Variants in AOPEP observed in about 807,000 individuals in gnomAD.
AOPEP encodes aminopeptidase O (putative), also known as aminopeptidase O.
Under a neutral mutation model 98.1 loss-of-function variants are expected in AOPEP, and 77 were observed. The observed-to-expected ratio is 0.78, with a 90% CI of 0.65 to 0.95. The LOEUF (loss-of-function observed/expected upper bound fraction) is 0.95. AOPEP is among the 40% of genes least tolerant of loss of function. The probability of loss-of-function intolerance (pLI) is 0.00; values close to 1 mark genes in which losing one functional copy is unlikely to be tolerated. For synonymous variants in AOPEP, 346 were observed against 365.3 expected (o/e 0.95, Z 0.60); for missense variants, 1,024 against 1,024.7 (o/e 1.00, Z 0.01).
intron 13 of AOPEP, among the ~76,000 whole-genome samples, chr9:95,029,319 C>T (rs2064103270): frequency 6.6e-6 from 1 of 152,056 alleles, no homozygotes; most frequent in Non-Finnish European, 1.5e-5. Flanking sequence ...TACATTAAAT[C>T]ATTCTACCAG....
chr9:95,035,140 C>A (rs560522415), intron 13 of AOPEP, among the ~76,000 whole-genome samples: 25 of 151,672 alleles, frequency 1.6e-4, no homozygotes, highest in African/African-American at 5.1e-4. Flanking sequence ...CCATGACAGG[C>A]CCCCGTGTGT....
chr9:94,954,162 A>G (rs1053080718), intron 7 of AOPEP, among the ~76,000 whole-genome samples: 10 of 152,060 alleles, frequency 6.6e-5, no homozygotes, highest in Non-Finnish European at 1.3e-4. Flanking sequence ...ATCTCTACAG[A>G]AAAAAACAAA....
At chr9:94,738,663 C>T (rs1358808652) in intron 1 of AOPEP, among the ~76,000 whole-genome samples, 1 of 152,162 alleles carries the variant, frequency 6.6e-6, no homozygotes, top group African/African-American at 2.4e-5. Context: ...AAGTTCCGCT[C>T]CCCGGGTTCA....
At chr9:94,780,375 CAG>C in intron 3 of AOPEP, among the ~76,000 whole-genome samples, 1 of 152,050 alleles carries the variant, frequency 6.6e-6, no homozygotes, top group East Asian at 1.9e-4. Flanking sequence ...CCCCAAATTC[CAG>C]TTGAGGACAG....
At chr9:95,090,944 C>T (rs2070858421), downstream of AOPEP, among the ~76,000 whole-genome samples, 1 of 152,236 alleles carries the variant, frequency 6.6e-6, no homozygotes, top group African/African-American at 2.4e-5. Context: ...ACACCCAAGA[C>T]AGCCCTGACG....
the AOPEP span, chr9:95,125,299 C>T: frequency 1.3e-6 from 1 of 799,510 alleles, no homozygotes; most frequent in African/African-American, 1.7e-5. Context: ...TAAGCTTCAG[C>T]AGTATCTCAA....
chr9:94,775,809 C>T (rs1323626592), intron 3 of AOPEP, among the ~76,000 whole-genome samples: 1 of 152,000 alleles, frequency 6.6e-6, no homozygotes, highest in Non-Finnish European at 1.5e-5. Flanking sequence ...CCCATCTCTA[C>T]TAAAAATATA....
intron 5 of AOPEP, among the ~76,000 whole-genome samples, chr9:94,918,986 G>A (rs2053215088): frequency 6.6e-6 from 1 of 151,824 alleles, no homozygotes; most frequent in African/African-American, 2.4e-5. Flanking sequence ...TGCAATCTCG[G>A]CTCACTGTAA....
intron 6 of AOPEP, among the ~76,000 whole-genome samples, chr9:94,926,611 G>A (rs2054369500): frequency 6.6e-6 from 1 of 152,224 alleles, no homozygotes; most frequent in Non-Finnish European, 1.5e-5. Flanking sequence ...GCCTGCCTCA[G>A]ACCGTCCAGG....
chr9:95,097,753 T>G, the AOPEP span, among the ~76,000 whole-genome samples: 108 of 152,294 alleles, frequency 7.1e-4, no homozygotes, highest in African/African-American at 2.4e-3. Context: ...TGCTATGAGC[T>G]CTCCATTACC....
chr9:94,820,811 T>C (rs1308142389), intron 5 of AOPEP, among the ~76,000 whole-genome samples: 2 of 152,194 alleles, frequency 1.3e-5, no homozygotes, highest in Non-Finnish European at 2.9e-5. Context: ...CGTAGCTCAC[T>C]GATATTTAGA....
chr9:95,081,861 C>T (rs895693046), intron 15 of AOPEP, among the ~76,000 whole-genome samples: 6 of 152,044 alleles, frequency 3.9e-5, no homozygotes, highest in Admixed American at 3.9e-4. Context: ...TTTACTCCAG[C>T]GGAATGTAAC....
intron 5 of AOPEP, among the ~76,000 whole-genome samples, chr9:94,906,455 AAATAATAAT>A (rs5741511): frequency 1.7e-5 from 2 of 114,346 alleles, no homozygotes; most frequent in African/African-American, 3.0e-5. Flanking sequence ...ACCCTGTCTG[AAATAATAAT>A]AATAATAATA....
At chr9:94,921,077 A>AAG (rs2053547999) in intron 5 of AOPEP, 1 of 151,970 alleles carries the variant, frequency 6.6e-6, no homozygotes, top group Admixed American at 6.6e-5. Context: ...TTTAAAAAAA[A>AAG]AAAAAAAAGA....
chr9:94,790,978 TGAAA>T (rs1276786761), intron 3 of AOPEP, among the ~76,000 whole-genome samples: 3 of 152,110 alleles, frequency 2.0e-5, no homozygotes, highest in African/African-American at 7.2e-5. Context: ...GTGAAGGGAC[TGAAA>T]GAGAGATTTA....
intron 5 of AOPEP, among the ~76,000 whole-genome samples, chr9:94,807,938 C>A (rs1054852028): frequency 1.3e-5 from 2 of 152,200 alleles, no homozygotes; most frequent in Non-Finnish European, 1.5e-5. Flanking sequence ...CACCTCTGCG[C>A]CATAGAGGCC....
chr9:95,048,884 A>C (rs1174525005), intron 13 of AOPEP: 4 of 152,236 alleles, frequency 2.6e-5, no homozygotes, highest in Non-Finnish European at 5.9e-5. Context: ...GTTCACACGA[A>C]GGACAAATCC....
chr9:94,961,340 T>G (rs1207173986), intron 9 of AOPEP, among the ~76,000 whole-genome samples: 2 of 152,252 alleles, frequency 1.3e-5, no homozygotes, highest in African/African-American at 4.8e-5. Flanking sequence ...GATTCTATTC[T>G]TTCCTCTTTC....
chr9:95,050,221 A>G (rs977235595), intron 13 of AOPEP, among the ~76,000 whole-genome samples: 1 of 152,222 alleles, frequency 6.6e-6, no homozygotes, highest in Admixed American at 6.5e-5. Context: ...CCTCTCACAC[A>G]TTGGCAAGGC....
Sources: gnomAD v4.1 joint callset for allele counts (sites outside exome capture counted in the v4.1 genomes callset) on GRCh38, gnomAD v4.1.1 for gene constraint, MANE v1.5 for transcripts, NCBI Gene and HGNC (gene_info 2026-07-23, HGNC 2026-07-21) for gene names.